CUBN: variants seen among roughly 807,000 people sequenced by gnomAD.
The protein encoded by CUBN is cubilin, also known as 460 kDa receptor.
A neutral mutation model predicts 405.3 loss-of-function variants in CUBN; 282 were observed. That is an observed-to-expected ratio of 0.70 (90% CI 0.63 to 0.77). The LOEUF (loss-of-function observed/expected upper bound fraction) is 0.77, where lower values mean the gene tolerates loss of function less well. Among genes scored for constraint, CUBN ranks in the 30% least tolerant of loss-of-function variants. The pLI, the probability that CUBN is intolerant of heterozygous loss-of-function variation, is 0.00. For synonymous variants in CUBN, 1,684 were observed against 1,617.0 expected (o/e 1.04, Z -0.99); for missense variants, 4,514 against 4,475.2 (o/e 1.01, Z -0.25).
intron 31 of CUBN, among the ~76,000 whole-genome samples, chr10:16,980,873 C>A (rs1467654563): frequency 7.9e-6 from 1 of 126,050 alleles, no homozygotes; most frequent in Non-Finnish European, 1.7e-5. Context: ...AATTAGGTAG[C>A]CAAAAAATTT....
intron 28 of CUBN, among the ~76,000 whole-genome samples, chr10:16,996,374 C>A (rs1226877348): frequency 6.6e-6 from 1 of 152,134 alleles, no homozygotes; most frequent in Non-Finnish European, 1.5e-5. Flanking sequence ...CACTCATCTG[C>A]CGAAAGGAAG....
In CUBN at chr10:16,906,314, A is replaced by G. The variant is rs750893735; in HGVS notation, c.7801T>C (p.Trp2601Arg). Residue 2601 changes from tryptophan (W) to arginine (R), a missense_variant, in exon 50 of 67, where the codon TGG becomes CGG. Physicochemically the swap from Trp to Arg is moderately radical, Grantham distance 101. Transcript: ENST00000377833. ...RNYSRNLNCE[W>R]TLSNPNQGNS... ...CCCTGATTTGGATTGCTGAGAGTCC[A>G]TTCGCAGTTCAGGTTTCTTGAGTAA... The G allele has an allele frequency of 6.2e-7, 1 of 1,613,984 alleles. No individual in the cohort carries two copies. The highest frequency in any genetic ancestry group is 2.2e-5 in the East Asian group (1 of 44,878).
intron 59 of CUBN, 99 bp from the exon 60 acceptor site, chr10:16,851,542 C>T: frequency 9.3e-7 from 1 of 1,075,088 alleles, no homozygotes; most frequent in Non-Finnish European, 1.4e-6. Flanking sequence ...CATTTTCTGT[C>T]ACACTCTGAG....
chr10:16,860,000 T>C (rs1283381731), intron 59 of CUBN, among the ~76,000 whole-genome samples: 5 of 152,118 alleles, frequency 3.3e-5, no homozygotes, highest in African/African-American at 9.7e-5. Flanking sequence ...GATTCTAACA[T>C]ATTAAGGTTG....
intron 56 of CUBN, among the ~76,000 whole-genome samples, chr10:16,879,193 G>A (rs1220171732): frequency 6.6e-6 from 1 of 152,140 alleles, no homozygotes; most frequent in Non-Finnish European, 1.5e-5. Flanking sequence ...GGATGTGTGG[G>A]ACTTCCAGTG....
intron 30 of CUBN, 140 bp from the exon 31 acceptor site, chr10:16,982,793 C>T: frequency 1.3e-6 from 1 of 761,754 alleles, no homozygotes. Flanking sequence ...ATTTGATATC[C>T]ACATTAAGCC....
At chr10:16,915,521 C>G (rs1415174418) in intron 46 of CUBN, among the ~76,000 whole-genome samples, 2 of 152,136 alleles carry the variant, frequency 1.3e-5, no homozygotes, top group African/African-American at 2.4e-5. Context: ...CTATAGAACA[C>G]CCCTCAAATA....
In CUBN at chr10:16,888,424, G is replaced by A. The variant is rs2131396062; in HGVS notation, c.8898C>T (p.His2966=). ...TTAAAAGAATAAACTTACCTTCTAA[G>A]TGGAAGGACACAAAAGTCAAGAGGA... ...SVVLLTFVSF[H]LEARSAVTGS... Residue 2966 remains histidine, a synonymous_variant, in exon 56 of 67, where the codon CAC becomes CAT. Transcript: ENST00000377833. 1 of 1,612,424 alleles carries A rather than the reference G, an allele frequency of 6.2e-7. No individual in the cohort carries two copies. Among genetic ancestry groups the A allele is most frequent in the African/African-American group, 1.3e-5 (1 of 75,010 alleles).
intron 59 of CUBN, among the ~76,000 whole-genome samples, chr10:16,866,725 G>C (rs893170729): frequency 2.0e-5 from 3 of 152,104 alleles, no homozygotes; most frequent in Admixed American, 1.3e-4. Flanking sequence ...TATAGCATTG[G>C]AGCACAGGGG....
chr10:16,988,029 T>G (rs1034341157), intron 29 of CUBN, among the ~76,000 whole-genome samples: 20 of 152,088 alleles, frequency 1.3e-4, no homozygotes, highest in Non-Finnish European at 2.9e-5. Context: ...GGCATAGGGC[T>G]CTCCTTGAAA....
intron 31 of CUBN, among the ~76,000 whole-genome samples, chr10:16,963,196 CTT>C (rs200023246): frequency 1.2e-5 from 1 of 83,978 alleles, no homozygotes; most frequent in Admixed American, 1.8e-4. Flanking sequence ...TCTTTTTTTT[CTT>C]TTTTTTTTTT....
intron 60 of CUBN, among the ~76,000 whole-genome samples, chr10:16,846,238 C>T (rs1488525477): frequency 1.3e-5 from 2 of 152,198 alleles, no homozygotes; most frequent in Non-Finnish European, 2.9e-5. Context: ...GATGGTGATG[C>T]TGCTATTGGC....
At chr10:17,128,885 A>G (rs1837259044) in intron 2 of CUBN, among the ~76,000 whole-genome samples, 1 of 152,230 alleles carries the variant, frequency 6.6e-6, no homozygotes, top group Non-Finnish European at 1.5e-5. Context: ...ATTTCAAAAT[A>G]ACTAGAAGAG....
intron 59 of CUBN, among the ~76,000 whole-genome samples, chr10:16,866,242 C>T (rs901840187): frequency 6.6e-6 from 1 of 152,192 alleles, no homozygotes; most frequent in Admixed American, 6.5e-5. Flanking sequence ...CTGAAAGCCC[C>T]TGATCTAACC....
rs1461888332 is a variant in CUBN, at chr10:17,123,678, T to C, written c.399A>G (p.Lys133=). 1.2e-6 allele frequency: 2 copies of C among 1,613,412 alleles called. No individual in the cohort carries two copies. Among genetic ancestry groups the C allele is most frequent in the African/African-American group, 1.3e-5 (1 of 75,018 alleles). The change falls in exon 5 of 67, where the codon AAA becomes AAG. Residue 133 remains lysine (K), a synonymous_variant. Coordinates refer to ENST00000377833, the MANE Select transcript of CUBN (RefSeq NM_001081.4). ...GGCAAGGATTGCTGCTGCAAACCTT[T>C]TTGTCAACAGTCTGAAACAAAAACA... ...KFQGLQQTVD[K]KVCSSNPCQN...
At position 17,047,406 on chromosome 10, in the gene CUBN, G is replaced by T. The variant is rs569747365; in HGVS notation, c.3329+8C>A. The stretch of plus-strand genomic sequence containing the variant: ...AAAGATTATAATGAAATAAATAAAA[G>T]TGCTGACCTGATTTCCAGAAAATCT... On this transcript the variant is annotated splice_region_variant and intron_variant, in intron 23 of 66. Coordinates refer to ENST00000377833, the MANE Select transcript of CUBN (RefSeq NM_001081.4). 3.8e-6 allele frequency: 6 copies of T among 1,590,272 alleles called. No individual in the cohort carries two copies. The highest frequency in any genetic ancestry group is 1.7e-5 in the Admixed American group (1 of 59,934).
chr10:16,829,729 G>A (rs1034335715), intron 65 of CUBN, among the ~76,000 whole-genome samples: 1 of 152,118 alleles, frequency 6.6e-6, no homozygotes, highest in African/African-American at 2.4e-5. Context: ...AGAGCACGTG[G>A]CTGGGCCTCT....
intron 28 of CUBN, among the ~76,000 whole-genome samples, chr10:16,993,446 G>T (rs917938392): frequency 2.6e-5 from 4 of 151,924 alleles, no homozygotes; most frequent in African/African-American, 7.3e-5. Context: ...CCCTTAAATT[G>T]TCGCTGTAAA....
rs560958266 is a variant in CUBN at position 16,886,831 on chromosome 10, C to T, written c.8905+1586G>A. On this transcript the variant is annotated intron_variant, in intron 56 of 66. Coordinates refer to ENST00000377833, the MANE Select transcript of CUBN (RefSeq NM_001081.4). ...GAGACAGAGTTTCGCTCTTGTCGCCCAGGCTGGAGTGCAATGGCATGATCT... is the reference window on the plus strand; with the variant it reads ...GAGACAGAGTTTCGCTCTTGTCGCCTAGGCTGGAGTGCAATGGCATGATCT... Among the ~76,000 whole-genome samples the T allele has an allele frequency of 4.6e-4, 70 of 152,338 alleles. 1 individual carries two copies. The highest frequency in any genetic ancestry group is 4.4e-4 in the Non-Finnish European group (30 of 68,032).
Sources: allele counts gnomAD v4.1 joint callset (sites outside exome capture counted in the v4.1 genomes callset), GRCh38; gene constraint gnomAD v4.1.1; transcripts MANE v1.5; gene names NCBI Gene and HGNC (gene_info 2026-07-23, HGNC 2026-07-21).